The following TMEM139 variants were observed in gnomAD, a reference collection of about 807,000 sequenced individuals.
The protein encoded by TMEM139 is transmembrane protein 139.
In TMEM139, 9 loss-of-function variants were observed where a neutral mutation model predicts 15.9. The ratio of observed to expected loss-of-function variants is 0.57; its 90% CI spans 0.34 to 0.99. The LOEUF (loss-of-function observed/expected upper bound fraction) is 0.99, where lower values mean the gene tolerates loss of function less well. Among genes scored for constraint, TMEM139 ranks in the 50% least tolerant of loss-of-function variants. TMEM139 has a pLI of 0.02. For missense variants in TMEM139, 270 were observed against 267.7 expected (o/e 1.01, Z -0.06); for synonymous variants, 95 against 110.5 (o/e 0.86, Z 0.88).
intron 1 of TMEM139, 48 bp from the exon 2 acceptor site, chr7:143,285,893 T>C (rs973401409): frequency 1.2e-6 from 2 of 1,602,216 alleles, no homozygotes; most frequent in East Asian, 2.2e-5. Flanking sequence ...GACACAGCCA[T>C]GACACCAATT....
chr7:143,286,788 G>A lies in TMEM139; in HGVS notation c.610G>A (p.Asp204Asn). ...AYDVCFGHPD[D>N]DSVFYEDNWA... ...TGATGTCTGCTTTGGTCACCCTGATGATGATAGTGTTTTTTATGAGGACAA... is the reference window on the plus strand; with the variant it reads ...TGATGTCTGCTTTGGTCACCCTGATAATGATAGTGTTTTTTATGAGGACAA... Residue 204 changes from aspartate (D) to asparagine (N), a missense_variant, in exon 3 of 3, where the codon GAT becomes AAT. Coordinates refer to ENST00000359333, the MANE Select transcript of TMEM139 (RefSeq NM_001282876.2). The A allele has an allele frequency of 6.2e-7, 1 of 1,612,890 alleles. No homozygotes were observed. The highest frequency in any genetic ancestry group is 8.5e-7 in the Non-Finnish European group (1 of 1,179,058).
In TMEM139 at chr7:143,286,971, C is replaced by A. The variant is rs1801354783; in HGVS notation, c.*142C>A. The stretch of plus-strand genomic sequence containing the variant: ...GACTTGGACCCTGAGGAGAGTCAGG[C>A]CACGGTAAGCCCTTCCCAGCTGAGA... On this transcript the variant is annotated 3_prime_UTR_variant, in exon 3 of 3. Transcript: ENST00000359333. The A allele has an allele frequency of 3.1e-6, 3 of 964,374 alleles. No individual in the cohort carries two copies. The highest frequency in any genetic ancestry group is 1.6e-5 in the African/African-American group (1 of 60,960). 59.7% of individuals were successfully genotyped at this position (964,374 alleles called of 1,614,324 possible).
upstream of TMEM139, chr7:143,284,935 A>AC (rs1801207383): frequency 6.6e-6 from 1 of 151,362 alleles, no homozygotes; most frequent in Non-Finnish European, 1.5e-5. Context: ...CCTTCCCACC[A>AC]CCCCCCACCC....
At chr7:143,285,776 G>C (rs1801257297) in intron 1 of TMEM139, 165 bp from the exon 2 acceptor site, 4 of 892,430 alleles carry the variant, frequency 4.5e-6, no homozygotes, top group Non-Finnish European at 6.6e-6. Flanking sequence ...CACACTCCAA[G>C]ACATAGAGAG....
At position 143,286,714 on chromosome 7, in the gene TMEM139, G is replaced by C. The variant is rs764163852; in HGVS notation, c.536G>C (p.Ser179Thr). ...RAVSTAPDLQ[S>T]LAAVPTLEPL... Reference sequence around the variant, plus strand: ...GTGTCCACTGCTCCTGATCTGCAGAGCTTGGCGGCAGTCCCCACATTAGAG... The same window carrying C: ...GTGTCCACTGCTCCTGATCTGCAGACCTTGGCGGCAGTCCCCACATTAGAG... The change falls in exon 3 of 3, where the codon AGC (serine) becomes ACC (threonine). Residue 179 changes from serine (S) to threonine (T), a missense_variant. By Grantham distance (58) the Ser-to-Thr change is moderately conservative (BLOSUM62 1). Transcript: ENST00000359333. 3 of 1,614,208 alleles carry C rather than the reference G, an allele frequency of 1.9e-6. No individual in the cohort carries two copies. In the Admixed American group the frequency reaches 5.0e-5, roughly 27 times the overall value.
rs769087655 is a variant in TMEM139 at position 143,285,953 on chromosome 7, G to A, written c.-5G>A. Reference sequence around the variant, plus strand: ...TGTCTTTTTGCAGGAGCCTGGGGAGGGGCCATGGTGCCAATGCACTTACTG... The same window carrying A: ...TGTCTTTTTGCAGGAGCCTGGGGAGAGGCCATGGTGCCAATGCACTTACTG... On this transcript the variant is annotated 5_prime_UTR_variant, in exon 2 of 3. Coordinates refer to ENST00000359333, the MANE Select transcript of TMEM139 (RefSeq NM_001282876.2). 4 of 1,614,138 alleles carry A rather than the reference G, an allele frequency of 2.5e-6. No individual in the cohort carries two copies. Among genetic ancestry groups the A allele is most frequent in the South Asian group, 1.1e-5 (1 of 91,078 alleles).
rs777422367 is a variant in TMEM139 at position 143,287,759 on chromosome 7, G to A, written c.*930G>A. On this transcript the variant is annotated 3_prime_UTR_variant, in exon 3 of 3. Transcript: ENST00000359333. ...GTAGCCCCGGGGTCACTTGCGAAGA[G>A]TCTCTAACAGCTTCTGCCTCACTCC... is the stretch of plus-strand genomic sequence containing the variant. 2 of 152,262 alleles carry A rather than the reference G, an allele frequency of 1.3e-5. No homozygotes were observed. Among genetic ancestry groups the A allele is most frequent in the Non-Finnish European group, 2.9e-5 (2 of 68,074 alleles). The allele number at this position is 152,262 out of a possible 1,614,324, so 9.4% of individuals were successfully genotyped here. A position where few individuals can be genotyped will look rare whatever the true frequency, so the allele number is the denominator to read the frequency against.
intron 1 of TMEM139, 59 bp from the exon 2 acceptor site, chr7:143,285,882 T>C (rs1393558353): frequency 1.3e-6 from 2 of 1,590,060 alleles, no homozygotes; most frequent in African/African-American, 1.4e-5. Context: ...CTTTGGTATC[T>C]GACACAGCCA....
At chr7:143,286,311 C>T (rs986101673) in intron 2 of TMEM139, 109 bp downstream of exon 2, 25 of 1,558,702 alleles carry the variant, frequency 1.6e-5, no homozygotes, top group African/African-American at 9.6e-5. Context: ...TTGGCATCAG[C>T]GGGAGGAGGG....
chr7:143,286,571 A>G lies in TMEM139; in HGVS notation c.393A>G (p.Pro131=), dbSNP rs201217342. ...CTGAGGAGGAACAACCTAGCCATCC[A>G]GAGGGGTCCAGGAGAGCCAAACTGG... ...PAPEEEQPSH[P]EGSRRAKLEQ... is the part of the protein sequence containing the mutation. The change falls in exon 3 of 3, where the codon CCA becomes CCG. Residue 131 remains proline, a synonymous_variant. Coordinates refer to ENST00000359333, the MANE Select transcript of TMEM139 (RefSeq NM_001282876.2). The G allele has an allele frequency of 1.5e-4, 250 of 1,613,620 alleles. No homozygotes were observed. The highest frequency in any genetic ancestry group is 1.8e-4 in the Non-Finnish European group (209 of 1,179,918).
chr7:143,287,560 C>T lies in TMEM139; in HGVS notation c.*731C>T, dbSNP rs1325890195. On this transcript the variant is annotated 3_prime_UTR_variant, in exon 3 of 3. Transcript: ENST00000359333. ...GTAGCAGTGTCTGTGCCTCTCCTGC[C>T]CAGGGGCTAGAGAGCAGTCTCCAGT... The T allele has an allele frequency of 6.6e-6, 1 of 152,242 alleles. No individual in the cohort carries two copies. Among genetic ancestry groups the T allele is most frequent in the Non-Finnish European group, 1.5e-5 (1 of 68,046 alleles). 9.4% of individuals were successfully genotyped at this position (152,242 alleles called of 1,614,324 possible). A position where few individuals can be genotyped will look rare whatever the true frequency, so the allele number is the denominator to read the frequency against.
Position 143,286,599 on chromosome 7 carries a change from CAG to C in TMEM139, c.424_425del (p.Arg142AlafsTer34), listed in dbSNP as rs757114613. On this transcript the variant is annotated frameshift_variant, in exon 3 of 3. Transcript: ENST00000359333. LOFTEE classifies it high-confidence loss of function. ...GGGGTCCAGGAGAGCCAAACTGGAA[CAG>C]AGGCGAATGGCCTCAGAGGGGTCCA... ...PEGSRRAKLEQRRMASEGSMA... is the reference protein window; with the variant it reads ...PEGSRRAKLEXRRMASEGSMA... 42 of 1,613,874 alleles carry C rather than the reference CAG, an allele frequency of 2.6e-5. No homozygotes were observed. Among genetic ancestry groups the C allele is most frequent in the Non-Finnish European group, 3.6e-5 (42 of 1,179,980 alleles).
rs962080797 is a variant in TMEM139 at position 143,286,271 on chromosome 7, C to G, written c.245+69C>G. 4.4e-6 allele frequency: 7 copies of G among 1,596,468 alleles called. No homozygotes were observed. In the African/African-American group the frequency reaches 6.7e-5, roughly 15 times the overall value. On this transcript the variant is annotated intron_variant, in intron 2 of 2. Coordinates refer to ENST00000359333, the MANE Select transcript of TMEM139 (RefSeq NM_001282876.2). ...CATCCTCCCTCTCTCCCTGTAGTCT[C>G]TGAGGCAGAGAGTCTCTGGTTTCCT... is the stretch of plus-strand genomic sequence containing the variant.
In TMEM139 at chr7:143,285,952, G is replaced by A. The variant is rs984879480; in HGVS notation, c.-6G>A. On this transcript the variant is annotated 5_prime_UTR_variant, in exon 2 of 3. Transcript: ENST00000359333. ...GTGTCTTTTTGCAGGAGCCTGGGGA[G>A]GGGCCATGGTGCCAATGCACTTACT... The A allele has an allele frequency of 1.9e-6, 3 of 1,614,140 alleles. No homozygotes were observed. Among genetic ancestry groups the A allele is most frequent in the Non-Finnish European group, 2.5e-6 (3 of 1,179,996 alleles).
rs1352184735 is a variant in TMEM139, at chr7:143,287,767, C to G, written c.*938C>G. On this transcript the variant is annotated 3_prime_UTR_variant, in exon 3 of 3. Coordinates refer to ENST00000359333, the MANE Select transcript of TMEM139 (RefSeq NM_001282876.2). ...GGGGTCACTTGCGAAGAGTCTCTAACAGCTTCTGCCTCACTCCTAAGCTCT... is the reference window on the plus strand; with the variant it reads ...GGGGTCACTTGCGAAGAGTCTCTAAGAGCTTCTGCCTCACTCCTAAGCTCT... 2 of 152,288 alleles carry G rather than the reference C, an allele frequency of 1.3e-5. No homozygotes were observed. The highest frequency in any genetic ancestry group is 2.4e-5 in the African/African-American group (1 of 41,454). The allele number at this position is 152,288 out of a possible 1,614,324, so 9.4% of individuals were successfully genotyped here. A position where few individuals can be genotyped will look rare whatever the true frequency, so the allele number is the denominator to read the frequency against.
chr7:143,286,277 CAG>C (rs1801300100), intron 2 of TMEM139, 75 bp downstream of exon 2: 4 of 1,589,290 alleles, frequency 2.5e-6, no homozygotes, highest in African/African-American at 1.3e-5. Flanking sequence ...GTCTCTGAGG[CAG>C]AGAGTCTCTG....
Position 143,286,819 on chromosome 7 carries a change from C to T in TMEM139, c.641C>T (p.Ala214Val), listed in dbSNP as rs781701171. The T allele has an allele frequency of 1.3e-6, 2 of 1,592,914 alleles. No individual in the cohort carries two copies. Among genetic ancestry groups the T allele is most frequent in the Non-Finnish European group, 1.7e-6 (2 of 1,165,970 alleles). Residue 214 changes from alanine (A) to valine (V), a missense_variant, in exon 3 of 3, where the codon GCA becomes GTA. Physicochemically the swap from Ala to Val is moderately conservative, Grantham distance 64 (BLOSUM62 0). Transcript: ENST00000359333. ...DDSVFYEDNWAPP is the reference protein window; with the variant it reads ...DDSVFYEDNWVPP Reference sequence around the variant, plus strand: ...AGTGTTTTTTATGAGGACAACTGGGCACCCCCTTAAATGACTCTCCCAAGA... The same window carrying T: ...AGTGTTTTTTATGAGGACAACTGGGTACCCCCTTAAATGACTCTCCCAAGA...
rs768755912 is a variant in TMEM139, at chr7:143,286,104, C to G, written c.147C>G (p.Phe49Leu). ...TCTTTCTCACATTGGGTGGCTTCTT[C>G]TTGTTTGCCTATCTCCTGGTCCGGT... is the stretch of plus-strand genomic sequence containing the variant. ...AYFFLTLGGF[F>L]LFAYLLVRFL... The change falls in exon 2 of 3, where the codon TTC becomes TTG. Residue 49 changes from phenylalanine (F) to leucine (L), a missense_variant. Phe to Leu is a conservative substitution (Grantham distance 22). Transcript: ENST00000359333. The G allele has an allele frequency of 5.6e-6, 9 of 1,613,962 alleles. No homozygotes were observed. Among genetic ancestry groups the G allele is most frequent in the Admixed American group, 5.0e-5 (3 of 60,008 alleles).
At position 143,286,582 on chromosome 7, in the gene TMEM139, G is replaced by C. The variant is rs1801325475; in HGVS notation, c.404G>C (p.Arg135Thr). The C allele has an allele frequency of 6.2e-7, 1 of 1,613,956 alleles. No homozygotes were observed. Among genetic ancestry groups the C allele is most frequent in the African/African-American group, 1.3e-5 (1 of 74,976 alleles). Reference sequence around the variant, plus strand: ...CAACCTAGCCATCCAGAGGGGTCCAGGAGAGCCAAACTGGAACAGAGGCGA... The same window carrying C: ...CAACCTAGCCATCCAGAGGGGTCCACGAGAGCCAAACTGGAACAGAGGCGA... ...EEQPSHPEGS[R>T]RAKLEQRRMA... The change falls in exon 3 of 3, where the codon AGG becomes ACG. Residue 135 changes from arginine (R) to threonine (T), a missense_variant. Physicochemically the swap from Arg to Thr is moderately conservative, Grantham distance 71. Coordinates refer to ENST00000359333, the MANE Select transcript of TMEM139 (RefSeq NM_001282876.2).
Sources: allele counts gnomAD v4.1 joint callset, GRCh38; gene constraint gnomAD v4.1.1; transcripts MANE v1.5; gene names NCBI Gene and HGNC (gene_info 2026-07-23, HGNC 2026-07-21).